ZFHX3: variants seen among roughly 807,000 people sequenced by gnomAD.
ZFHX3 encodes the protein zinc finger homeobox protein 3.
Under a neutral mutation model 279.1 loss-of-function variants are expected in ZFHX3, and 42 were observed. The ratio of observed to expected loss-of-function variants is 0.15; its 90% CI spans 0.12 to 0.19. The LOEUF (loss-of-function observed/expected upper bound fraction) is 0.19, where lower values mean the gene tolerates loss of function less well. Among genes scored for constraint, ZFHX3 ranks in the 10% least tolerant of loss-of-function variants. ZFHX3 has a pLI of 1.00. For missense variants in ZFHX3, 4,981 were observed against 4,754.0 expected (o/e 1.05, Z -1.40); for synonymous variants, 2,293 against 1,957.8 (o/e 1.17, Z -4.52).
intron 3 of ZFHX3, among the ~76,000 whole-genome samples, chr16:73,448,856 GA>G (rs962280556): frequency 6.6e-6 from 1 of 151,892 alleles, no homozygotes; most frequent in Admixed American, 6.6e-5. Context: ...AAAGAACAAA[GA>G]AAAAATTCTG....
At chr16:72,842,381 C>G (rs2037365333) in intron 4 of ZFHX3, among the ~76,000 whole-genome samples, 1 of 152,136 alleles carries the variant, frequency 6.6e-6, no homozygotes, top group South Asian at 2.1e-4. Context: ...CCATGCCCAG[C>G]CAGCAACATT....
At chr16:73,731,475 T>G (rs1449701071) in intron 1 of ZFHX3, among the ~76,000 whole-genome samples, 2 of 152,090 alleles carry the variant, frequency 1.3e-5, no homozygotes, top group African/African-American at 2.4e-5. Context: ...TGTTTTTTTT[T>G]TTGTTAGAAA....
At chr16:73,178,049 T>TG (rs1567410931) in intron 5 of ZFHX3, among the ~76,000 whole-genome samples, 2 of 152,220 alleles carry the variant, frequency 1.3e-5, no homozygotes, top group African/African-American at 4.8e-5. Flanking sequence ...TCTACCTAAC[T>TG]GTAGCTTCCA....
At chr16:73,446,827 C>A (rs1443517611) in intron 3 of ZFHX3, among the ~76,000 whole-genome samples, 1 of 152,032 alleles carries the variant, frequency 6.6e-6, no homozygotes, top group Non-Finnish European at 1.5e-5. Context: ...GTATAACAAA[C>A]CCCCATGACA....
At position 72,959,960 on chromosome 16, in the gene ZFHX3, C is replaced by A; in HGVS notation, c.186G>T (p.Ala62=). 1 of 1,608,702 alleles carries A rather than the reference C, an allele frequency of 6.2e-7. No individual in the cohort carries two copies. The highest frequency in any genetic ancestry group is 8.5e-7 in the Non-Finnish European group (1 of 1,177,162). The change falls in exon 2 of 10, where the codon GCG becomes GCT. Residue 62 remains alanine (A), a synonymous_variant. Transcript: ENST00000268489. ...GGGGCCCGGCCGACGCGGTGCTCTCCGCGAGGCGCTCATTGAAGGGGGCCC... is the reference window on the plus strand; with the variant it reads ...GGGGCCCGGCCGACGCGGTGCTCTCAGCGAGGCGCTCATTGAAGGGGGCCC... ...SLRAPFNERL[A]ESTASAGPPS... is the part of the protein sequence containing the mutation.
At chr16:73,870,531 G>T (rs1224856543) in intron 1 of ZFHX3, among the ~76,000 whole-genome samples, 1 of 151,620 alleles carries the variant, frequency 6.6e-6, no homozygotes, top group Non-Finnish European at 1.5e-5. Context: ...AGGAACTGAG[G>T]AATAGCCAGA....
intron 5 of ZFHX3, among the ~76,000 whole-genome samples, chr16:73,205,918 C>T (rs993570700): frequency 3.3e-5 from 5 of 152,108 alleles, no homozygotes; most frequent in African/African-American, 4.8e-5. Context: ...ATTATGTATG[C>T]AAATGATGCA....
rs540522614 is a variant in ZFHX3 at position 73,131,474 on chromosome 16, C to T, written c.-1023-380G>A. 6.6e-5 allele frequency among the ~76,000 whole-genome samples: 10 copies of T among 152,284 alleles called. No individual in the cohort carries two copies. The South Asian group carries it at 1.2e-3, about 19-fold the overall frequency. ...TAGCTCAAGCTGGGCTTTGAGGGCA[C>T]GTCTGATTCTTCCTACTGGACCAGC... On this transcript the variant is annotated intron_variant, in intron 6 of 17. Transcript: ENST00000641206.
chr16:72,814,399 C>T (rs151083835), intron 5 of ZFHX3, among the ~76,000 whole-genome samples: 1 of 152,092 alleles, frequency 6.6e-6, no homozygotes, highest in African/African-American at 2.4e-5. Context: ...TGAATGGGCA[C>T]CGAGGCTGAG....
At chr16:73,787,529 C>T (rs1959683803) in intron 1 of ZFHX3, among the ~76,000 whole-genome samples, 1 of 152,152 alleles carries the variant, frequency 6.6e-6, no homozygotes, top group Non-Finnish European at 1.5e-5. Context: ...ATCCTCATGC[C>T]ACCATTAACA....
rs148656479 is a variant in ZFHX3 at position 73,509,607 on chromosome 16, C to A, written c.-1546-53349G>T. On this transcript the variant is annotated intron_variant, in intron 2 of 17. Coordinates refer to the ZFHX3 transcript ENST00000641206. ...TGGCACAATCTTGGCTCACTGCAAC[C>A]TCCACCCCCTGGGTTCAAGCGATTC... Among the ~76,000 whole-genome samples the A allele has an allele frequency of 8.7e-4, 132 of 150,964 alleles. No individual in the cohort carries two copies. In the East Asian group the frequency reaches 0.021, roughly 24 times the overall value.
intron 5 of ZFHX3, among the ~76,000 whole-genome samples, chr16:73,171,512 G>A (rs1967522986): frequency 7.5e-6 from 1 of 133,534 alleles, no homozygotes; most frequent in South Asian, 3.0e-4. Context: ...CGGGGTGGGG[G>A]GCGGGCAGAG....
intron 1 of ZFHX3, among the ~76,000 whole-genome samples, chr16:73,800,152 G>C (rs541107701): frequency 2.6e-5 from 4 of 151,882 alleles, no homozygotes; most frequent in Admixed American, 2.6e-4. Context: ...ATAAGCCTCA[G>C]ACATGTATTT....
chr16:73,670,134 T>A (rs1367450346), intron 2 of ZFHX3, among the ~76,000 whole-genome samples: 1 of 152,230 alleles, frequency 6.6e-6, no homozygotes, highest in Non-Finnish European at 1.5e-5. Context: ...AGACCAACAC[T>A]GCACTGCTAA....
intron 1 of ZFHX3, among the ~76,000 whole-genome samples, chr16:73,687,571 C>T (rs1292174809): frequency 1.3e-5 from 2 of 152,040 alleles, no homozygotes; most frequent in Middle Eastern, 3.4e-3. Flanking sequence ...TGACCGGGTG[C>T]GGTGGCTCAC....
At chr16:73,204,507 T>C (rs888819389) in intron 5 of ZFHX3, among the ~76,000 whole-genome samples, 7 of 152,116 alleles carry the variant, frequency 4.6e-5, no homozygotes, top group African/African-American at 1.7e-4. Context: ...ATGTCACTGC[T>C]CTTGTGACAG....
chr16:72,818,283 A>T (rs1567531529), intron 5 of ZFHX3, among the ~76,000 whole-genome samples: 1 of 152,144 alleles, frequency 6.6e-6, no homozygotes, highest in Non-Finnish European at 1.5e-5. Flanking sequence ...GCAGAAATGC[A>T]ATGTTTCCAG....
intron 3 of ZFHX3, among the ~76,000 whole-genome samples, chr16:73,388,014 G>T (rs1231870374): frequency 6.6e-6 from 1 of 152,052 alleles, no homozygotes; most frequent in African/African-American, 2.4e-5. Flanking sequence ...TGCAGGGCAC[G>T]CTCATTGTGC....
intron 1 of ZFHX3, among the ~76,000 whole-genome samples, chr16:73,761,348 A>C (rs1436913570): frequency 6.6e-6 from 1 of 152,176 alleles, no homozygotes; most frequent in African/African-American, 2.4e-5. Context: ...ACAGATGGAA[A>C]AACATTCCAT....
Sources: gnomAD v4.1 joint callset for allele counts (sites outside exome capture counted in the v4.1 genomes callset) on GRCh38, gnomAD v4.1.1 for gene constraint, MANE v1.5 for transcripts, NCBI Gene and HGNC (gene_info 2026-07-23, HGNC 2026-07-21) for gene names.